Variants in KCNN2 observed in about 807,000 individuals in gnomAD.
KCNN2 encodes the protein small conductance calcium-activated potassium channel protein 2.
In KCNN2, 24 loss-of-function variants were observed where a neutral mutation model predicts 55.5. The ratio of observed to expected loss-of-function variants is 0.43; its 90% CI spans 0.31 to 0.61. KCNN2 has a LOEUF of 0.61. Among genes scored for constraint, KCNN2 ranks in the 20% least tolerant of loss-of-function variants. KCNN2 has a pLI of 0.08. For missense variants in KCNN2, 754 were observed against 853.6 expected (o/e 0.88, Z 1.45); for synonymous variants, 431 against 336.1 (o/e 1.28, Z -3.09).
intron 3 of KCNN2, among the ~76,000 whole-genome samples, chr5:114,409,465 C>T (rs775578521): frequency 4.6e-5 from 7 of 152,046 alleles, no homozygotes; most frequent in Non-Finnish European, 7.3e-5. Context: ...AAATATAACA[C>T]ACAGCTTTTC....
intron 2 of KCNN2, among the ~76,000 whole-genome samples, chr5:114,293,320 C>T (rs1755937057): frequency 6.6e-6 from 1 of 152,088 alleles, no homozygotes; most frequent in Non-Finnish European, 1.5e-5. Flanking sequence ...ATGATATTGG[C>T]TGTGGGTTTG....
chr5:114,329,363 T>G (rs918293681), intron 2 of KCNN2, among the ~76,000 whole-genome samples: 14 of 152,304 alleles, frequency 9.2e-5, no homozygotes, highest in Admixed American at 9.2e-4. Context: ...TCAATCTGTG[T>G]GGGCATCATC....
intron 2 of KCNN2, among the ~76,000 whole-genome samples, chr5:114,303,048 A>T (rs552363437): frequency 1.3e-5 from 2 of 152,230 alleles, no homozygotes; most frequent in Non-Finnish European, 2.9e-5. Flanking sequence ...TACTGAAAAC[A>T]TTTTGCCAGG....
At chr5:114,383,245 T>A (rs1004918103) in intron 2 of KCNN2, among the ~76,000 whole-genome samples, 1 of 151,926 alleles carries the variant, frequency 6.6e-6, no homozygotes, top group Non-Finnish European at 1.5e-5. Context: ...AACAGTGTAG[T>A]CTGTGTGTGT....
chr5:114,252,689 A>G (rs1030799397), intron 2 of KCNN2, among the ~76,000 whole-genome samples: 15 of 148,460 alleles, frequency 1.0e-4, no homozygotes, highest in African/African-American at 3.7e-4. Flanking sequence ...AACCTCTGCC[A>G]TTTTCTCTGT....
intron 2 of KCNN2, among the ~76,000 whole-genome samples, chr5:114,290,860 A>T (rs1045326796): frequency 1.3e-5 from 2 of 152,026 alleles, no homozygotes; most frequent in African/African-American, 4.8e-5. Context: ...ATTGTTTCAG[A>T]GTGTGTAGTT....
intron 1 of KCNN2, among the ~76,000 whole-genome samples, chr5:114,112,674 G>T (rs564881241): frequency 2.7e-5 from 4 of 149,752 alleles, no homozygotes; most frequent in African/African-American, 9.9e-5. Flanking sequence ...GATTGTATTT[G>T]TATTACAAAC....
At chr5:114,360,198 T>C (rs577321560), upstream of KCNN2, among the ~76,000 whole-genome samples, 4 of 152,320 alleles carry the variant, frequency 2.6e-5, no homozygotes, top group African/African-American at 9.6e-5. Context: ...CACCCCTTTT[T>C]TTCTGCTGAA....
At chr5:114,368,225 CCT>C (rs1757662404) in intron 2 of KCNN2, among the ~76,000 whole-genome samples, 1 of 151,986 alleles carries the variant, frequency 6.6e-6, no homozygotes. Context: ...CTGTGGGATT[CCT>C]GGAACTAATC....
chr5:114,399,936 T>TG lies in KCNN2; in HGVS notation c.1219-4502_1219-4501insG, dbSNP rs200628143. 7.4e-3 allele frequency among the ~76,000 whole-genome samples: 1,122 copies of TG among 150,876 alleles called. 4 individuals are homozygous for TG. Among genetic ancestry groups the TG allele is most frequent in the Middle Eastern group, 0.02 (6 of 294 alleles). On this transcript the variant is annotated intron_variant, in intron 2 of 7. Transcript: ENST00000673685. The stretch of plus-strand genomic sequence containing the variant: ...TTTGAGGGTTTTTTTTTTTGTTTTT[T>TG]TTTTTTGTATTTCTATGTGGTTGGT...
At chr5:114,481,914 C>G (rs1762245841) in intron 5 of KCNN2, among the ~76,000 whole-genome samples, 1 of 151,986 alleles carries the variant, frequency 6.6e-6, no homozygotes, top group Admixed American at 6.6e-5. Flanking sequence ...ATGTAAAACC[C>G]AAAACTATAA....
chr5:114,118,527 G>A (rs375797315), intron 1 of KCNN2, among the ~76,000 whole-genome samples: 1 of 152,052 alleles, frequency 6.6e-6, no homozygotes, highest in South Asian at 2.1e-4. Flanking sequence ...CAGCTCACCA[G>A]TGAGGCAGAA....
At chr5:114,410,162 G>A (rs1580802588) in intron 3 of KCNN2, among the ~76,000 whole-genome samples, 1 of 152,186 alleles carries the variant, frequency 6.6e-6, no homozygotes, top group Admixed American at 6.5e-5. Context: ...AGAAATTTCA[G>A]GAACATTTAT....
At chr5:114,309,578 G>C (rs17430200) in intron 2 of KCNN2, among the ~76,000 whole-genome samples, 15,682 of 152,276 alleles carry the variant, frequency 0.1, 1,011 homozygotes, top group Middle Eastern at 0.21. Context: ...CTACAGGCCT[G>C]TGGATGTAAT....
At chr5:114,172,150 C>G (rs1188942389) in intron 1 of KCNN2, among the ~76,000 whole-genome samples, 1 of 151,918 alleles carries the variant, frequency 6.6e-6, no homozygotes, top group Non-Finnish European at 1.5e-5. Flanking sequence ...CAATTTCGTA[C>G]AACCCTCACT....
intron 1 of KCNN2, among the ~76,000 whole-genome samples, chr5:114,176,978 T>A (rs975060522): frequency 2.0e-5 from 3 of 152,164 alleles, no homozygotes; most frequent in South Asian, 4.1e-4. Context: ...AGTTTTTTTT[T>A]AAACCATAAC....
intron 1 of KCNN2, among the ~76,000 whole-genome samples, chr5:114,142,332 T>C (rs986079034): frequency 5.3e-5 from 8 of 152,140 alleles, no homozygotes; most frequent in Admixed American, 2.0e-4. Context: ...AGGGATCCAG[T>C]TTCAGCTTTC....
At chr5:114,430,768 C>T (rs1442232930) in intron 3 of KCNN2, among the ~76,000 whole-genome samples, 7 of 152,022 alleles carry the variant, frequency 4.6e-5, no homozygotes, top group Non-Finnish European at 1.0e-4. Flanking sequence ...GGAAATTCCC[C>T]TCTATTCTTA....
intron 1 of KCNN2, among the ~76,000 whole-genome samples, chr5:114,193,430 A>G (rs896645628): frequency 4.6e-5 from 7 of 152,108 alleles, no homozygotes; most frequent in African/African-American, 1.2e-4. Context: ...AAAGTCCTCA[A>G]CGCACACCTC....
Sources: allele counts gnomAD v4.1 joint callset (sites outside exome capture counted in the v4.1 genomes callset), GRCh38; gene constraint gnomAD v4.1.1; transcripts MANE v1.5; gene names NCBI Gene and HGNC (gene_info 2026-07-23, HGNC 2026-07-21).